FAM135B: variants seen among roughly 807,000 people sequenced by gnomAD.
The protein encoded by FAM135B is protein FAM135B.
A neutral mutation model predicts 127.7 loss-of-function variants in FAM135B; 43 were observed. The ratio of observed to expected loss-of-function variants is 0.34; its 90% CI spans 0.26 to 0.43. The LOEUF (loss-of-function observed/expected upper bound fraction) is 0.43. Ranked by LOEUF, FAM135B falls within the 20% of genes least tolerant of loss-of-function variation. The pLI, the probability that FAM135B is intolerant of heterozygous loss-of-function variation, is 1.00. For synonymous variants in FAM135B, 670 were observed against 665.1 expected, an observed-to-expected ratio of 1.01 and a Z score of -0.11; for missense variants, 1,558 against 1,725.6, an observed-to-expected ratio of 0.90 and a Z score of 1.72.
rs936062191 is a variant in FAM135B, at chr8:138,242,821, A to C, written c.669+121T>G. ...AAGGGGTGGGAAGATGGTGAAAGGA[A>C]GGGTCAAATTAGCAAAAATCTCTGA... is the stretch of plus-strand genomic sequence containing the variant. On this transcript the variant is annotated intron_variant, in intron 7 of 19. Coordinates refer to ENST00000395297, the MANE Select transcript of FAM135B (RefSeq NM_015912.4). The surrounding 1 kb of genome is among the most constrained non-coding windows in gnomAD (Gnocchi z 9.6). 3 of 1,309,196 alleles carry C rather than the reference A, an allele frequency of 2.3e-6. No individual in the cohort carries two copies. The highest frequency in any genetic ancestry group is 2.5e-5 in the East Asian group (1 of 40,402). The allele number at this position is 1,309,196 out of a possible 1,614,324, so 81.1% of individuals were successfully genotyped here. A position where few individuals can be genotyped will look rare whatever the true frequency, so the allele number is the denominator to read the frequency against.
chr8:138,352,995 G>A (rs1220321540), intron 2 of FAM135B, among the ~76,000 whole-genome samples: 1 of 152,116 alleles, frequency 6.6e-6, no homozygotes, highest in Non-Finnish European at 1.5e-5. Context: ...TGCCAACTAT[G>A]TTCTAGGCAG....
chr8:138,354,927 T>C (rs910435427), intron 2 of FAM135B, among the ~76,000 whole-genome samples: 2 of 152,094 alleles, frequency 1.3e-5, no homozygotes, highest in Non-Finnish European at 2.9e-5. Flanking sequence ...TTGTTACATA[T>C]GTATACATGT....
intron 1 of FAM135B, among the ~76,000 whole-genome samples, chr8:138,382,310 C>T (rs753131343): frequency 2.6e-5 from 4 of 152,154 alleles, no homozygotes; most frequent in African/African-American, 9.7e-5. Context: ...CTAGGGTAAT[C>T]CGTCTTCCCT....
At chr8:138,174,121 A>C (rs1180101765) in intron 11 of FAM135B, among the ~76,000 whole-genome samples, 1 of 151,326 alleles carries the variant, frequency 6.6e-6, no homozygotes, top group Non-Finnish European at 1.5e-5. Context: ...GTCCTTTCCT[A>C]CTCCCTCCTA....
chr8:138,282,518 A>T (rs1405982124), intron 3 of FAM135B, among the ~76,000 whole-genome samples: 1 of 152,240 alleles, frequency 6.6e-6, no homozygotes, highest in Non-Finnish European at 1.5e-5. Context: ...AAATGAGCCA[A>T]ATATCTTAAC....
At chr8:138,330,026 T>C (rs1828056569) in intron 2 of FAM135B, among the ~76,000 whole-genome samples, 1 of 152,140 alleles carries the variant, frequency 6.6e-6, no homozygotes, top group African/African-American at 2.4e-5. Context: ...CTCAACCAGC[T>C]AGTTAGTGGC....
intron 2 of FAM135B, among the ~76,000 whole-genome samples, chr8:138,329,728 C>T (rs1028163977): frequency 1.3e-4 from 20 of 152,120 alleles, no homozygotes; most frequent in Non-Finnish European, 2.6e-4. Flanking sequence ...TGAGGGTTCA[C>T]GAAGCAGTAG....
At chr8:138,369,195 A>G (rs545265054) in intron 1 of FAM135B, among the ~76,000 whole-genome samples, 1 of 151,970 alleles carries the variant, frequency 6.6e-6, no homozygotes, top group East Asian at 1.9e-4. Context: ...GCAGGATCTC[A>G]AGACCTGGTA....
chr8:138,187,864 C>A (rs1815728210), intron 9 of FAM135B, among the ~76,000 whole-genome samples: 2 of 152,198 alleles, frequency 1.3e-5, no homozygotes, highest in South Asian at 4.1e-4. Context: ...CGGCCCCGAT[C>A]TCTGGAGAAA....
intron 18 of FAM135B, 59 bp downstream of exon 18, chr8:138,138,927 C>G (rs1816890199): frequency 3.8e-6 from 4 of 1,043,590 alleles, no homozygotes; most frequent in Non-Finnish European, 6.0e-6. Flanking sequence ...TCATTTGTGT[C>G]TCAGGAGTTG....
rs1818146156 is a variant in FAM135B, at chr8:138,151,538, T to C, written c.2937A>G (p.Lys979=). The C allele has an allele frequency of 6.2e-7, 1 of 1,614,240 alleles. No individual in the cohort carries two copies. Among genetic ancestry groups the C allele is most frequent in the Admixed American group, 1.7e-5 (1 of 60,034 alleles). Residue 979 remains lysine (K), a synonymous_variant, in exon 13 of 20, where the codon AAA becomes AAG. Coordinates refer to ENST00000395297, the MANE Select transcript of FAM135B (RefSeq NM_015912.4). The part of the protein sequence containing the change: ...NRGVNAFPEA[K]HKAGTVCPTV... Reference sequence around the variant, plus strand: ...TGGGGCACACAGTGCCTGCTTTATGTTTAGCCTCCGGGAAGGCATTCACTC... The same window carrying C: ...TGGGGCACACAGTGCCTGCTTTATGCTTAGCCTCCGGGAAGGCATTCACTC...
chr8:138,289,913 A>C (rs1352490604), intron 3 of FAM135B, among the ~76,000 whole-genome samples: 1 of 152,238 alleles, frequency 6.6e-6, no homozygotes, highest in East Asian at 1.9e-4. Flanking sequence ...GCACCATCAG[A>C]GTTGCCTGTG....
intron 16 of FAM135B, among the ~76,000 whole-genome samples, chr8:138,142,288 C>CTTTTTTTT (rs71316322): frequency 1.9e-4 from 12 of 62,394 alleles, no homozygotes; most frequent in Non-Finnish European, 2.8e-4. Context: ...TCTGCTTCTT[C>CTTTTTTTT]TTTTTTTTTT....
At chr8:138,288,594 C>T (rs893653172) in intron 3 of FAM135B, among the ~76,000 whole-genome samples, 1 of 152,188 alleles carries the variant, frequency 6.6e-6, no homozygotes, top group South Asian at 2.1e-4. Context: ...GTTGAGGAAA[C>T]GGAGGAAGTC....
At position 138,226,180 on chromosome 8, in the gene FAM135B, T is replaced by TGCGCGCGC. The variant is rs1281639798; in HGVS notation, c.669+16761_669+16762insGCGCGCGC. 3.8e-4 allele frequency among the ~76,000 whole-genome samples: 49 copies of TGCGCGCGC among 128,076 alleles called. 1 individual carries two copies. Among genetic ancestry groups the TGCGCGCGC allele is most frequent in the Admixed American group, 1.1e-3 (14 of 12,758 alleles). 84.0% of individuals were successfully genotyped at this position (128,076 alleles called of 152,430 possible). A position where few individuals can be genotyped will look rare whatever the true frequency, so the allele number is the denominator to read the frequency against. ...GTGTGTGTGTGTGTGTGTGTGTGTG[T>TGCGCGCGC]GTGTGCGCGCATGTCATTTTTTTTT... On this transcript the variant is annotated intron_variant, in intron 7 of 19. Coordinates refer to ENST00000395297, the MANE Select transcript of FAM135B (RefSeq NM_015912.4).
chr8:138,345,042 A>G (rs1829318446), intron 2 of FAM135B, among the ~76,000 whole-genome samples: 1 of 152,230 alleles, frequency 6.6e-6, no homozygotes, highest in South Asian at 2.1e-4. Flanking sequence ...TGAAAGCAGC[A>G]TCCAGCACTG....
At chr8:138,420,133 T>C (rs1369417433) in intron 1 of FAM135B, among the ~76,000 whole-genome samples, 1 of 151,770 alleles carries the variant, frequency 6.6e-6, no homozygotes, top group Non-Finnish European at 1.5e-5. Flanking sequence ...ATACACATAA[T>C]CATAATTAGA....
chr8:138,347,696 G>A (rs191313969), intron 2 of FAM135B, among the ~76,000 whole-genome samples: 3 of 152,214 alleles, frequency 2.0e-5, no homozygotes, highest in South Asian at 4.2e-4. Context: ...TCCAGAGGAC[G>A]GAAAGTCAGG....
rs143057414 is a variant in FAM135B at position 138,481,080 on chromosome 8, T to C, written c.-20+15591A>G. Among the ~76,000 whole-genome samples the C allele has an allele frequency of 4.8e-3, 726 of 152,346 alleles. 6 individuals are homozygous for C. The highest frequency in any genetic ancestry group is 0.017 in the African/African-American group (710 of 41,568). On this transcript the variant is annotated intron_variant, in intron 1 of 19. Coordinates refer to ENST00000395297, the MANE Select transcript of FAM135B (RefSeq NM_015912.4). ...CTCCCTACTCTCCCTGTTAAAAGAATTTAAGTTTGAGGAGATAGAGACCAT... is the reference window on the plus strand; with the variant it reads ...CTCCCTACTCTCCCTGTTAAAAGAACTTAAGTTTGAGGAGATAGAGACCAT...
Sources: gnomAD v4.1 joint callset for allele counts (sites outside exome capture counted in the v4.1 genomes callset) on GRCh38, gnomAD v4.1.1 for gene constraint, Gnocchi (gnomAD v3.1) non-coding constraint, MANE v1.5 for transcripts, NCBI Gene and HGNC (gene_info 2026-07-23, HGNC 2026-07-21) for gene names.